Variants in AFG2A observed in about 807,000 individuals in gnomAD.
The protein encoded by AFG2A is ATPase family gene 2 protein homolog A.
chr4:122,925,460 C>T, the AFG2A span, among the ~76,000 whole-genome samples: 1 of 152,148 alleles, frequency 6.6e-6, no homozygotes, highest in Non-Finnish European at 1.5e-5. Context: ...GCACTATTGT[C>T]CTGGGTGGTC....
chr4:123,203,025 A>G, the AFG2A span, among the ~76,000 whole-genome samples: 1 of 152,106 alleles, frequency 6.6e-6, no homozygotes, highest in Non-Finnish European at 1.5e-5. Flanking sequence ...TCCATCTCTT[A>G]AGTAAATACA....
chr4:123,293,825 CT>C, the AFG2A span, among the ~76,000 whole-genome samples: 4 of 152,216 alleles, frequency 2.6e-5, no homozygotes, highest in Non-Finnish European at 5.9e-5. Flanking sequence ...GCTGAGAGCA[CT>C]CCCACCTACC....
At chr4:123,095,788 G>A in the AFG2A span, among the ~76,000 whole-genome samples, 1 of 151,870 alleles carries the variant, frequency 6.6e-6, no homozygotes, top group South Asian at 2.1e-4. Flanking sequence ...CAGGCATTTG[G>A]CCTTTTAAAT....
the AFG2A span, among the ~76,000 whole-genome samples, chr4:122,999,805 C>T: frequency 1.3e-5 from 2 of 151,856 alleles, no homozygotes; most frequent in Admixed American, 6.6e-5. Context: ...TTTTTTGGTT[C>T]CATATGAACT....
the AFG2A span, among the ~76,000 whole-genome samples, chr4:123,036,870 AC>A: frequency 6.6e-6 from 1 of 151,872 alleles, no homozygotes; most frequent in Non-Finnish European, 1.5e-5. Context: ...AGTAATTAAA[AC>A]CTATTTTCAA....
the AFG2A span, among the ~76,000 whole-genome samples, chr4:123,069,133 C>T: frequency 3.4e-3 from 511 of 152,140 alleles, 3 homozygotes; most frequent in Middle Eastern, 0.014. Context: ...TGTTAGCAGC[C>T]GTAATTAAAG....
the AFG2A span, among the ~76,000 whole-genome samples, chr4:123,276,255 C>G: frequency 3.3e-5 from 5 of 152,056 alleles, no homozygotes; most frequent in Admixed American, 6.5e-5. Context: ...GAGCATTTTT[C>G]CATATGCTTG....
the AFG2A span, among the ~76,000 whole-genome samples, chr4:122,950,496 C>T: frequency 4.6e-5 from 7 of 152,252 alleles, no homozygotes; most frequent in South Asian, 4.1e-4. Flanking sequence ...TGTACCACCA[C>T]ACCTGGCTAA....
chr4:123,309,573 C>T, the AFG2A span, among the ~76,000 whole-genome samples: 1 of 152,254 alleles, frequency 6.6e-6, no homozygotes, highest in South Asian at 2.1e-4. Context: ...ATCAAACTGA[C>T]CATCATTAGT....
the AFG2A span, among the ~76,000 whole-genome samples, chr4:122,961,780 C>G: frequency 6.6e-6 from 1 of 152,216 alleles, no homozygotes; most frequent in Non-Finnish European, 1.5e-5. Flanking sequence ...GCTGGGATTA[C>G]AAGCATGAAC....
chr4:123,184,559 CG>C, the AFG2A span, among the ~76,000 whole-genome samples: 1 of 26,566 alleles, frequency 3.8e-5, no homozygotes, highest in East Asian at 8.3e-4. Context: ...TTTTTTGAGA[CG>C]GAGTCTCGCT....
At chr4:123,242,179 A>G in the AFG2A span, among the ~76,000 whole-genome samples, 1 of 152,222 alleles carries the variant, frequency 6.6e-6, no homozygotes, top group East Asian at 1.9e-4. Context: ...AAATATCCAT[A>G]CTGCCCAAGG....
chr4:122,942,124 G>A, the AFG2A span, among the ~76,000 whole-genome samples: 10 of 151,394 alleles, frequency 6.6e-5, no homozygotes, highest in Admixed American at 6.6e-4. Context: ...CCCGGCTTTG[G>A]TATCAGGATG....
the AFG2A span, among the ~76,000 whole-genome samples, chr4:123,061,414 C>T: frequency 6.5e-3 from 992 of 152,242 alleles, 14 homozygotes; most frequent in African/African-American, 0.022. Flanking sequence ...AGTTCCACAT[C>T]GCTGGGGAGC....
the AFG2A span, among the ~76,000 whole-genome samples, chr4:123,131,109 G>A: frequency 6.6e-6 from 1 of 151,874 alleles, no homozygotes; most frequent in Non-Finnish European, 1.5e-5. Flanking sequence ...CCTTTCAATG[G>A]GTTGTTTTCT....
the AFG2A span, among the ~76,000 whole-genome samples, chr4:123,092,699 G>A: frequency 1.2e-4 from 18 of 152,110 alleles, no homozygotes; most frequent in African/African-American, 2.9e-4. Context: ...GACTGCATTC[G>A]CATTAGGAGC....
the AFG2A span, among the ~76,000 whole-genome samples, chr4:123,195,450 G>T: frequency 4.8e-5 from 5 of 103,462 alleles, no homozygotes; most frequent in African/African-American, 1.3e-4. Context: ...CAGGTAAAAG[G>T]TAGTAGATGG....
At chr4:123,301,109 T>C in the AFG2A span, among the ~76,000 whole-genome samples, 1 of 152,194 alleles carries the variant, frequency 6.6e-6, no homozygotes, top group Admixed American at 6.5e-5. Flanking sequence ...GGATCCTTTT[T>C]AGACTATAAT....
chr4:123,280,424 A>G, the AFG2A span, among the ~76,000 whole-genome samples: 2 of 152,188 alleles, frequency 1.3e-5, no homozygotes, highest in Non-Finnish European at 2.9e-5. Context: ...ATTGCCATAC[A>G]CATAGTAGCT....
Sources: gnomAD v4.1 joint callset for allele counts (sites outside exome capture counted in the v4.1 genomes callset) on GRCh38, gnomAD v4.1.1 for gene constraint, MANE v1.5 for transcripts, NCBI Gene and HGNC (gene_info 2026-07-23, HGNC 2026-07-21) for gene names.